The following ZC3H12B variants were observed in gnomAD, a reference collection of about 807,000 sequenced individuals.
The protein encoded by ZC3H12B is probable ribonuclease ZC3H12B.
In ZC3H12B, 7 loss-of-function variants were observed where a neutral mutation model predicts 43.9. The ratio of observed to expected loss-of-function variants is 0.16; its 90% CI spans 0.09 to 0.30. The LOEUF (loss-of-function observed/expected upper bound fraction) is 0.30, where lower values mean the gene tolerates loss of function less well. ZC3H12B is among the 10% of genes least tolerant of loss of function. The pLI is 1.00. For missense variants in ZC3H12B, 475 were observed against 670.2 expected, an observed-to-expected ratio of 0.71 and a Z score of 3.22; for synonymous variants, 222 against 241.7, an observed-to-expected ratio of 0.92 and a Z score of 0.76.
chrX:65,437,071 G>T (rs2067230436), intron 3 of ZC3H12B, among the ~76,000 whole-genome samples: 1 of 110,600 alleles, frequency 9.0e-6, no homozygotes, highest in African/African-American at 3.3e-5. Context: ...ACCTGCCTCA[G>T]CCTCCCAAGT....
At chrX:65,370,093 A>G (rs192704335) in intron 2 of ZC3H12B, among the ~76,000 whole-genome samples, 87 of 112,137 alleles carry the variant, frequency 7.8e-4, no homozygotes, top group African/African-American at 2.8e-3. Context: ...ATTGAAAAAG[A>G]AAAAGAAGAG....
At chrX:65,307,891 T>G in the ZC3H12B span, among the ~76,000 whole-genome samples, 2 of 112,203 alleles carry the variant, frequency 1.8e-5, no homozygotes, top group Non-Finnish European at 3.8e-5. Context: ...TGATTTCTTG[T>G]AAGAAGCAGT....
the ZC3H12B span, among the ~76,000 whole-genome samples, chrX:65,121,629 G>T: frequency 1.2e-3 from 128 of 111,048 alleles, no homozygotes; most frequent in African/African-American, 4.0e-3. Flanking sequence ...TTTTTGAAGG[G>T]TTTTTGTGTC....
chrX:65,164,187 G>A, the ZC3H12B span, among the ~76,000 whole-genome samples: 25 of 111,360 alleles, frequency 2.2e-4, no homozygotes, highest in African/African-American at 8.1e-4. Flanking sequence ...AGGACATTTT[G>A]GTGGCCAGGG....
chrX:65,451,441 TA>T (rs1299040234), intron 3 of ZC3H12B, among the ~76,000 whole-genome samples: 1 of 111,655 alleles, frequency 9.0e-6, no homozygotes, highest in Non-Finnish European at 1.9e-5. Context: ...TAGAGATTTA[TA>T]TTGCTATTTT....
the ZC3H12B span, among the ~76,000 whole-genome samples, chrX:65,209,525 T>A: frequency 3.0e-5 from 3 of 101,007 alleles, no homozygotes; most frequent in African/African-American, 1.1e-4. Context: ...CTAGTTTGAT[T>A]GCACTGTGGT....
intron 3 of ZC3H12B, among the ~76,000 whole-genome samples, chrX:65,475,439 GT>G (rs1183961371): frequency 3.5e-3 from 364 of 102,640 alleles, no homozygotes; most frequent in African/African-American, 9.9e-3. Context: ...TTTGATGGCA[GT>G]TTTTTTTTTT....
chrX:65,264,509 A>G, the ZC3H12B span, among the ~76,000 whole-genome samples: 1 of 111,969 alleles, frequency 8.9e-6, no homozygotes, highest in South Asian at 3.7e-4. Flanking sequence ...TCATTTCCAT[A>G]CCAAGAGGGA....
At chrX:65,098,390 A>G in the ZC3H12B span, among the ~76,000 whole-genome samples, 1 of 111,402 alleles carries the variant, frequency 9.0e-6, no homozygotes, top group Non-Finnish European at 1.9e-5. Context: ...AAAAGACTGT[A>G]GTAGTGGGAG....
the ZC3H12B span, among the ~76,000 whole-genome samples, chrX:65,278,711 G>A: frequency 9.0e-6 from 1 of 110,878 alleles, no homozygotes; most frequent in Non-Finnish European, 1.9e-5. Flanking sequence ...TAGGTACACA[G>A]GTGTCACTGG....
At chrX:65,357,552 G>T in the ZC3H12B span, 1 of 113,945 alleles carries the variant, frequency 8.8e-6, no homozygotes, top group Admixed American at 9.3e-5. Context: ...CATTCTTAAA[G>T]AAAATAATTT....
the ZC3H12B span, among the ~76,000 whole-genome samples, chrX:65,274,655 C>G: frequency 2.7e-5 from 3 of 109,449 alleles, no homozygotes; most frequent in African/African-American, 1.0e-4. Flanking sequence ...AGCTGATATG[C>G]CCGTGGACCA....
upstream of ZC3H12B, among the ~76,000 whole-genome samples, chrX:65,366,331 T>C (rs1233341140): frequency 1.8e-5 from 2 of 111,874 alleles, no homozygotes; most frequent in African/African-American, 6.5e-5. Flanking sequence ...TTCTTCATGA[T>C]GGTCATCTGT....
At chrX:65,320,537 G>GA in the ZC3H12B span, among the ~76,000 whole-genome samples, 72 of 110,881 alleles carry the variant, frequency 6.5e-4, no homozygotes, top group Admixed American at 1.2e-3. Context: ...AAAGAAATAG[G>GA]AAAAAAAACT....
the ZC3H12B span, among the ~76,000 whole-genome samples, chrX:65,243,803 G>A: frequency 9.0e-6 from 1 of 110,644 alleles, no homozygotes; most frequent in Non-Finnish European, 1.9e-5. Flanking sequence ...ATATAATGAA[G>A]TTTTTTTTTA....
At chrX:65,338,440 A>T in the ZC3H12B span, among the ~76,000 whole-genome samples, 2 of 112,083 alleles carry the variant, frequency 1.8e-5, no homozygotes, top group Non-Finnish European at 3.8e-5. Flanking sequence ...ACATACAAAG[A>T]AGAGTTGGTA....
At chrX:65,203,514 A>G in the ZC3H12B span, among the ~76,000 whole-genome samples, 1 of 110,005 alleles carries the variant, frequency 9.1e-6, no homozygotes, top group Non-Finnish European at 1.9e-5. Context: ...GAGTGGGTCT[A>G]GAAGTGTCAT....
At chrX:65,378,802 A>AT (rs1221250291) in intron 2 of ZC3H12B, among the ~76,000 whole-genome samples, 2 of 112,713 alleles carry the variant, frequency 1.8e-5, no homozygotes, top group Non-Finnish European at 3.8e-5. Context: ...CGGGAAGTGC[A>AT]AGGGGTCAGG....
intron 2 of ZC3H12B, among the ~76,000 whole-genome samples, chrX:65,392,044 G>A (rs1217307153): frequency 1.8e-5 from 2 of 111,899 alleles, no homozygotes; most frequent in African/African-American, 3.2e-5. Flanking sequence ...CGGGATTGCA[G>A]ATGGAGTCTC....
Sources: allele counts gnomAD v4.1 joint callset (sites outside exome capture counted in the v4.1 genomes callset), GRCh38; gene constraint gnomAD v4.1.1; transcripts MANE v1.5; gene names NCBI Gene and HGNC (gene_info 2026-07-23, HGNC 2026-07-21).